Variants in ITPK1 observed in about 807,000 individuals in gnomAD.
ITPK1 encodes inositol-tetrakisphosphate 1-kinase.
A neutral mutation model predicts 45.3 loss-of-function variants in ITPK1; 21 were observed. That is an observed-to-expected ratio of 0.46 (90% CI 0.33 to 0.67). ITPK1 has a LOEUF of 0.67. Ranked by LOEUF, ITPK1 falls within the 30% of genes least tolerant of loss-of-function variation. ITPK1 has a pLI of 0.02. For missense variants in ITPK1, 474 were observed against 573.5 expected (o/e 0.83, Z 1.77); for synonymous variants, 258 against 253.6 (o/e 1.02, Z -0.16).
At chr14:93,106,159 C>T (rs1486073397) in intron 2 of ITPK1, among the ~76,000 whole-genome samples, 2 of 151,994 alleles carry the variant, frequency 1.3e-5, no homozygotes, top group Admixed American at 1.3e-4. Flanking sequence ...GCTGACCCAC[C>T]CACTACCACC....
At chr14:93,066,380 T>A (rs1890753351) in intron 3 of ITPK1, 1 of 393,312 alleles carries the variant, frequency 2.5e-6, no homozygotes, top group Non-Finnish European at 5.1e-6. Flanking sequence ...AGGGTAGGTG[T>A]CACTGCCAAG....
At chr14:92,957,218 G>C (rs1315841452) in intron 8 of ITPK1, among the ~76,000 whole-genome samples, 1 of 152,228 alleles carries the variant, frequency 6.6e-6, no homozygotes, top group Non-Finnish European at 1.5e-5. Context: ...AACAGCCGGC[G>C]TCTGAACGCT....
At chr14:93,027,880 A>G in intron 3 of ITPK1, among the ~76,000 whole-genome samples, 1 of 152,200 alleles carries the variant, frequency 6.6e-6, no homozygotes, top group East Asian at 1.9e-4. Flanking sequence ...TCAGTGCCCA[A>G]GGAATCCTGG....
intron 3 of ITPK1, among the ~76,000 whole-genome samples, chr14:93,039,040 T>A (rs66800452): frequency 2.6e-5 from 4 of 151,970 alleles, no homozygotes; most frequent in Non-Finnish European, 4.4e-5. Flanking sequence ...GGGAGTTAAG[T>A]TCCCTTTGCT....
At chr14:92,951,129 G>A (rs1270907567) in intron 9 of ITPK1, among the ~76,000 whole-genome samples, 1 of 152,266 alleles carries the variant, frequency 6.6e-6, no homozygotes, top group Non-Finnish European at 1.5e-5. Context: ...CCCCCCAGAA[G>A]AGCAGCACAC....
chr14:92,951,723 C>G (rs1490648270), intron 9 of ITPK1, among the ~76,000 whole-genome samples: 1 of 152,150 alleles, frequency 6.6e-6, no homozygotes, highest in East Asian at 1.9e-4. Flanking sequence ...CCTCACCTCT[C>G]CCTGTGCTGG....
chr14:92,938,366 C>T lies in ITPK1; in HGVS notation c.*3195G>A, dbSNP rs1887209356. 1.3e-6 allele frequency: 1 copy of T among 784,752 alleles called. No homozygotes were observed. 48.6% of individuals were successfully genotyped at this position (784,752 alleles called of 1,614,324 possible). ...AATGTGAGTGCCCAAGAGCCAAGAA[C>T]TGGTCTTCCAGGCTAGAAGGACAAA... is the stretch of plus-strand genomic sequence containing the variant. On this transcript the variant is annotated 3_prime_UTR_variant, in exon 11 of 11. Coordinates refer to ENST00000267615, the MANE Select transcript of ITPK1 (RefSeq NM_014216.6).
chr14:93,098,764 C>T (rs748446163), intron 2 of ITPK1, among the ~76,000 whole-genome samples: 2 of 152,214 alleles, frequency 1.3e-5, no homozygotes, highest in African/African-American at 2.4e-5. Context: ...GCTGTCCACA[C>T]GGCCGCAACC....
At chr14:92,943,355 T>C (rs1031750180) in intron 10 of ITPK1, among the ~76,000 whole-genome samples, 3 of 152,206 alleles carry the variant, frequency 2.0e-5, no homozygotes, top group Non-Finnish European at 4.4e-5. Flanking sequence ...GTGAGGACCC[T>C]GAGGCTCAAG....
chr14:93,035,041 C>A (rs1889259256), intron 3 of ITPK1, among the ~76,000 whole-genome samples: 1 of 152,248 alleles, frequency 6.6e-6, no homozygotes, highest in African/African-American at 2.4e-5. Flanking sequence ...CTCTTCTCCG[C>A]TAGGTTCTAG....
chr14:93,096,211 G>A (rs915576683), intron 2 of ITPK1, among the ~76,000 whole-genome samples: 5 of 152,160 alleles, frequency 3.3e-5, no homozygotes, highest in East Asian at 1.9e-4. Flanking sequence ...CTGAGATGCC[G>A]CAGCCCCAGC....
chr14:93,077,276 A>T (rs1891264018), intron 2 of ITPK1, among the ~76,000 whole-genome samples: 7 of 152,198 alleles, frequency 4.6e-5, no homozygotes, highest in Admixed American at 3.9e-4. Flanking sequence ...TTTGCCCAGA[A>T]CACACAAAGG....
At position 93,018,293 on chromosome 14, in the gene ITPK1, G is replaced by A. The variant is rs545831913; in HGVS notation, c.121-1492C>T. On this transcript the variant is annotated intron_variant, in intron 3 of 10. Transcript: ENST00000267615. ...CACTACCGCCTCCCCTATGGCTCCA[G>A]GTACATTTTTGGTCCCCTAGTCCCC... Among the ~76,000 whole-genome samples the A allele has an allele frequency of 4.6e-5, 7 of 152,236 alleles. No homozygotes were observed. In the East Asian group the frequency reaches 1.2e-3, roughly 25 times the overall value.
At chr14:93,113,623 G>A (rs946444503) in intron 2 of ITPK1, among the ~76,000 whole-genome samples, 6 of 152,132 alleles carry the variant, frequency 3.9e-5, no homozygotes, top group African/African-American at 1.2e-4. Flanking sequence ...GTGTATCCGC[G>A]GTACAACGTT....
intron 4 of ITPK1, among the ~76,000 whole-genome samples, chr14:92,999,900 C>T (rs1412112553): frequency 5.3e-5 from 8 of 152,228 alleles, no homozygotes; most frequent in Non-Finnish European, 1.2e-4. Flanking sequence ...CATTCCCTTT[C>T]ACTCTCAGCC....
chr14:93,083,241 A>G (rs998428277), intron 2 of ITPK1, among the ~76,000 whole-genome samples: 2 of 152,172 alleles, frequency 1.3e-5, no homozygotes, highest in Non-Finnish European at 2.9e-5. Flanking sequence ...GACAGACCCC[A>G]TCCAGCAGCA....
intron 3 of ITPK1, among the ~76,000 whole-genome samples, chr14:93,050,088 AG>A (rs1362683414): frequency 1.4e-4 from 22 of 152,294 alleles, no homozygotes; most frequent in Non-Finnish European, 5.9e-5. Flanking sequence ...AACAAAGGCC[AG>A]GGGGCAGCAG....
At chr14:93,044,858 G>A (rs1266643730) in intron 3 of ITPK1, among the ~76,000 whole-genome samples, 2 of 152,164 alleles carry the variant, frequency 1.3e-5, no homozygotes, top group African/African-American at 4.8e-5. Flanking sequence ...GCAAGTCAGG[G>A]TTGTGGTTCT....
In ITPK1 at chr14:92,957,605, C is replaced by T. The variant is rs114831383; in HGVS notation, c.670+596G>A. 9.0e-3 allele frequency among the ~76,000 whole-genome samples: 1,364 copies of T among 152,276 alleles called. 15 individuals carry two copies. The highest frequency in any genetic ancestry group is 0.031 in the African/African-American group (1,281 of 41,562). ...TGCAGAGAACGCCCTATGTGACACC[C>T]ACGGGACTCCTAGACCACCGTCCAC... On this transcript the variant is annotated intron_variant, in intron 8 of 10. Transcript: ENST00000267615.
Sources: allele counts gnomAD v4.1 joint callset (sites outside exome capture counted in the v4.1 genomes callset), GRCh38; gene constraint gnomAD v4.1.1; transcripts MANE v1.5; gene names NCBI Gene and HGNC (gene_info 2026-07-23, HGNC 2026-07-21).